The following ENTPD4 variants were observed in gnomAD, a reference collection of about 807,000 sequenced individuals.
ENTPD4 encodes the protein Golgi UDPase.
A neutral mutation model predicts 79.1 loss-of-function variants in ENTPD4; 60 were observed. That is an observed-to-expected ratio of 0.76 (90% CI 0.62 to 0.94). The LOEUF (loss-of-function observed/expected upper bound fraction) is 0.94, where lower values mean the gene tolerates loss of function less well. Among genes scored for constraint, ENTPD4 ranks in the 40% least tolerant of loss-of-function variants. The pLI, the probability that ENTPD4 is intolerant of heterozygous loss-of-function variation, is 0.00. For synonymous variants in ENTPD4, 276 were observed against 292.0 expected, an observed-to-expected ratio of 0.95 and a Z score of 0.56; for missense variants, 772 against 775.1, an observed-to-expected ratio of 1.00 and a Z score of 0.05.
At chr8:23,449,683 ATTATTTTACAG>A in intron 2 of ENTPD4, among the ~76,000 whole-genome samples, 199 bp downstream of exon 2, 1 of 152,320 alleles carries the variant, frequency 6.6e-6, no homozygotes, top group East Asian at 1.9e-4. Context: ...GATAAATTCT[ATTATTTTACAG>A]TTAATTTCTT....
chr8:23,446,639 A>C (rs1800767773), intron 4 of ENTPD4, among the ~76,000 whole-genome samples: 1 of 152,212 alleles, frequency 6.6e-6, no homozygotes, highest in Non-Finnish European at 1.5e-5. Context: ...GCTGGTTCCT[A>C]GCTGCCCATA....
intron 6 of ENTPD4, among the ~76,000 whole-genome samples, chr8:23,442,848 C>T (rs1028332928): frequency 6.6e-6 from 1 of 152,130 alleles, no homozygotes; most frequent in Non-Finnish European, 1.5e-5. Context: ...GCAACCTGCT[C>T]TACTCTCTGC....
chr8:23,432,019 A>T lies in ENTPD4; in HGVS notation c.*907T>A, dbSNP rs746241363. The T allele has an allele frequency of 1.0e-6, 1 of 985,270 alleles. No individual in the cohort carries two copies. Among genetic ancestry groups the T allele is most frequent in the Non-Finnish European group, 1.2e-6 (1 of 829,938 alleles). The allele number at this position is 985,270 out of a possible 1,614,324, so 61.0% of individuals were successfully genotyped here. A position where few individuals can be genotyped will look rare whatever the true frequency, so the allele number is the denominator to read the frequency against. On this transcript the variant is annotated 3_prime_UTR_variant, in exon 13 of 13. Transcript: ENST00000358689. ...GCTGGTTTCTTGGGATTTTTCACAC[A>T]CTCGCACAAAGCTGTAGTCGATAGT... is the stretch of plus-strand genomic sequence containing the variant.
In ENTPD4 at chr8:23,444,510, T is replaced by C. The variant is rs764612565; in HGVS notation, c.509A>G (p.Lys170Arg). 6.2e-6 allele frequency: 10 copies of C among 1,614,042 alleles called. No individual in the cohort carries two copies. The East Asian group carries it at 1.6e-4, about 25-fold the overall frequency. Residue 170 changes from lysine (K) to arginine (R), a missense_variant, in exon 5 of 13, where the codon AAA becomes AGA. By Grantham distance (26) the Lys-to-Arg change is conservative. Transcript: ENST00000358689. ...AAEHVPRAKHKETPLYILCTA... is the reference protein window; with the variant it reads ...AAEHVPRAKHRETPLYILCTA... ...GCAGAGAATGTAGAGAGGTGTCTCT[T>C]TGTGTTTTGCCCGTGGCACATGCTC...
chr8:23,451,092 T>C (rs1800852969), intron 1 of ENTPD4, among the ~76,000 whole-genome samples: 1 of 150,558 alleles, frequency 6.6e-6, no homozygotes, highest in Admixed American at 6.7e-5. Flanking sequence ...TGGCACAATC[T>C]CAGCTCACTG....
At chr8:23,435,342 C>G (rs757988124) in intron 11 of ENTPD4, 50 bp downstream of exon 11, 2 of 1,356,740 alleles carry the variant, frequency 1.5e-6, no homozygotes, top group Non-Finnish European at 2.1e-6. Context: ...GGGGCCAACA[C>G]TGCATTATGG....
Position 23,430,306 on chromosome 8 carries a change from T to C in ENTPD4, c.*2620A>G, listed in dbSNP as rs1800432896. The C allele has an allele frequency of 1.0e-6, 1 of 985,346 alleles. No individual in the cohort carries two copies. Among genetic ancestry groups the C allele is most frequent in the Admixed American group, 6.1e-5 (1 of 16,274 alleles). 61.0% of individuals were successfully genotyped at this position (985,346 alleles called of 1,614,324 possible). On this transcript the variant is annotated 3_prime_UTR_variant, in exon 13 of 13. Transcript: ENST00000358689. ...TGGGTGAGGGGCAGGTTTCTTGGTTTGTTTCAAAACTCATCTTGAAAATAA... is the reference window on the plus strand; with the variant it reads ...TGGGTGAGGGGCAGGTTTCTTGGTTCGTTTCAAAACTCATCTTGAAAATAA...
chr8:23,448,202 A>C (rs192848584), intron 3 of ENTPD4, among the ~76,000 whole-genome samples: 21 of 152,346 alleles, frequency 1.4e-4, no homozygotes, highest in Middle Eastern at 3.4e-3. Context: ...ATAAATAATT[A>C]TTCCAGGACC....
chr8:23,444,836 T>C (rs1334676898), intron 4 of ENTPD4, among the ~76,000 whole-genome samples: 1 of 152,186 alleles, frequency 6.6e-6, no homozygotes, highest in Non-Finnish European at 1.5e-5. Flanking sequence ...GAGCATCTGC[T>C]GTGTGTCACT....
Position 23,432,953 on chromosome 8 carries a change from G to C in ENTPD4, c.1824C>G (p.Pro608=), listed in dbSNP as rs138795546. The C allele has an allele frequency of 6.2e-7, 1 of 1,609,604 alleles. No individual in the cohort carries two copies. Among genetic ancestry groups the C allele is most frequent in the East Asian group, 2.2e-5 (1 of 44,656 alleles). ...AAALWMEEGL[P]AQNAPGTL ...ACAAGGTCCCCGGGGCATTCTGGGC[G>C]GGAAGGCCCTCCTCCATCCAGAGGG... Residue 608 remains proline (P), a synonymous_variant, in exon 13 of 13, where the codon CCC becomes CCG. Coordinates refer to ENST00000358689, the MANE Select transcript of ENTPD4 (RefSeq NM_004901.5).
intron 4 of ENTPD4, among the ~76,000 whole-genome samples, chr8:23,447,099 G>GA (rs1230797958): frequency 1.3e-5 from 2 of 152,126 alleles, no homozygotes; most frequent in Non-Finnish European, 2.9e-5. Flanking sequence ...TGATGATACA[G>GA]AAAAAAGAGC....
chr8:23,457,107 T>C (rs1013050785), intron 1 of ENTPD4, among the ~76,000 whole-genome samples: 1 of 152,226 alleles, frequency 6.6e-6, no homozygotes, highest in African/African-American at 2.4e-5. Flanking sequence ...GCTCCATTTT[T>C]CCAAGAAGAA....
In ENTPD4 at chr8:23,434,639, T is replaced by C. The variant is rs946370064; in HGVS notation, c.1461-161A>G. ...AACTGCGCGCGTTTCAAGGTTGATG[T>C]ACTTGCTTCACATCCCTGGTCCCAC... On this transcript the variant is annotated intron_variant, in intron 11 of 12. Transcript: ENST00000358689. 5 of 1,444,778 alleles carry C rather than the reference T, an allele frequency of 3.5e-6. No individual in the cohort carries two copies. In the African/African-American group the frequency reaches 5.7e-5, roughly 17 times the overall value. The allele number at this position is 1,444,778 out of a possible 1,614,324, so 89.5% of individuals were successfully genotyped here.
intron 6 of ENTPD4, among the ~76,000 whole-genome samples, 158 bp from the exon 7 acceptor site, chr8:23,442,224 CA>C (rs1348103922): frequency 1.3e-5 from 2 of 152,224 alleles, no homozygotes; most frequent in Admixed American, 1.3e-4. Context: ...TTTATTACTC[CA>C]AATGGCTTTC....
chr8:23,434,358 G>T lies in ENTPD4; in HGVS notation c.1581C>A (p.Thr527=). 1 of 1,614,150 alleles carries T rather than the reference G, an allele frequency of 6.2e-7. No homozygotes were observed. The highest frequency in any genetic ancestry group is 8.5e-7 in the Non-Finnish European group (1 of 1,180,032). The change falls in exon 12 of 13, where the codon ACC becomes ACA. Residue 527 remains threonine, a synonymous_variant. Transcript: ENST00000358689. ...GGGTCCTGTAGAGGATGGCTCCAAGGGTCCACTGAACCTCCTTGTCGTAAA... is the reference window on the plus strand; with the variant it reads ...GGGTCCTGTAGAGGATGGCTCCAAGTGTCCACTGAACCTCCTTGTCGTAAA... ...LQVYDKEVQW[T]LGAILYRTRF... is the part of the protein sequence containing the mutation.
intron 2 of ENTPD4, 110 bp from the exon 3 acceptor site, chr8:23,449,049 A>T (rs1304267767): frequency 6.1e-6 from 5 of 817,250 alleles, no homozygotes; most frequent in Non-Finnish European, 9.8e-6. Flanking sequence ...GATTTCCCTA[A>T]CTGTAGGTAT....
chr8:23,449,819 A>AT, intron 2 of ENTPD4, 74 bp downstream of exon 2: 42 of 1,336,130 alleles, frequency 3.1e-5, no homozygotes, highest in Non-Finnish European at 4.1e-5. Flanking sequence ...TGCGATTTAG[A>AT]TTTTTTTTCT....
chr8:23,455,999 C>T (rs557264133), intron 1 of ENTPD4, among the ~76,000 whole-genome samples: 2 of 152,314 alleles, frequency 1.3e-5, no homozygotes, highest in South Asian at 2.1e-4. Context: ...GATCTCTTGG[C>T]GACTCACCCA....
chr8:23,429,850 TC>T lies in ENTPD4; in HGVS notation c.*3075del. Reference sequence around the variant, plus strand: ...CATGGGCAAAAAGCACTGGTACAGTTCCATGTGTTTCTCTTCTACTGTAATG... The same window carrying T: ...CATGGGCAAAAAGCACTGGTACAGTTCATGTGTTTCTCTTCTACTGTAATG... On this transcript the variant is annotated 3_prime_UTR_variant, in exon 13 of 13. Coordinates refer to ENST00000358689, the MANE Select transcript of ENTPD4 (RefSeq NM_004901.5). The T allele has an allele frequency of 1.0e-6, 1 of 985,474 alleles. No homozygotes were observed. Among genetic ancestry groups the T allele is most frequent in the Non-Finnish European group, 1.2e-6 (1 of 829,940 alleles). The allele number at this position is 985,474 out of a possible 1,614,324, so 61.0% of individuals were successfully genotyped here. A position where few individuals can be genotyped will look rare whatever the true frequency, so the allele number is the denominator to read the frequency against.
Sources: allele counts gnomAD v4.1 joint callset (sites outside exome capture counted in the v4.1 genomes callset), GRCh38; gene constraint gnomAD v4.1.1; transcripts MANE v1.5; gene names NCBI Gene and HGNC (gene_info 2026-07-23, HGNC 2026-07-21).